ASIC2: variants seen among roughly 807,000 people sequenced by gnomAD.
ASIC2 encodes acid sensing ion channel subunit 2.
A neutral mutation model predicts 57.3 loss-of-function variants in ASIC2; 25 were observed. That is an observed-to-expected ratio of 0.44 (90% CI 0.32 to 0.61). The LOEUF (loss-of-function observed/expected upper bound fraction) is 0.61, where lower values mean the gene tolerates loss of function less well. Ranked by LOEUF, ASIC2 falls within the 20% of genes least tolerant of loss-of-function variation. The pLI is 0.06. For synonymous variants in ASIC2, 319 were observed against 307.5 expected (o/e 1.04, Z -0.39); for missense variants, 641 against 738.1 (o/e 0.87, Z 1.52).
At chr17:33,704,914 G>C (rs887279774) in intron 1 of ASIC2, among the ~76,000 whole-genome samples, 2 of 152,182 alleles carry the variant, frequency 1.3e-5, no homozygotes, top group African/African-American at 4.8e-5. Flanking sequence ...CCTATATTGG[G>C]TTTAAAAGCA....
intron 1 of ASIC2, among the ~76,000 whole-genome samples, chr17:33,951,588 TTTTC>T: frequency 6.6e-6 from 1 of 151,852 alleles, no homozygotes; most frequent in African/African-American, 2.4e-5. Context: ...TCTTTTCTTT[TTTTC>T]TTTTTTTTTC....
intron 1 of ASIC2, among the ~76,000 whole-genome samples, chr17:33,339,130 C>T (rs1237554147): frequency 6.6e-6 from 1 of 152,098 alleles, no homozygotes; most frequent in South Asian, 2.1e-4. Flanking sequence ...AAAATAAAGC[C>T]TTTGCAGGGG....
intron 1 of ASIC2, among the ~76,000 whole-genome samples, chr17:33,376,890 T>G (rs1380001085): frequency 6.6e-6 from 1 of 152,188 alleles, no homozygotes; most frequent in African/African-American, 2.4e-5. Flanking sequence ...ATACAAATTA[T>G]TTTTCAATTC....
intron 1 of ASIC2, among the ~76,000 whole-genome samples, chr17:33,417,117 C>T (rs1275970295): frequency 6.6e-6 from 1 of 152,150 alleles, no homozygotes; most frequent in Non-Finnish European, 1.5e-5. Flanking sequence ...CTAGCTGCTG[C>T]AGACAGGCCT....
At chr17:33,564,647 T>TA (rs1466632042) in intron 1 of ASIC2, among the ~76,000 whole-genome samples, 1 of 152,248 alleles carries the variant, frequency 6.6e-6, no homozygotes, top group African/African-American at 2.4e-5. Flanking sequence ...AAGCCACCCC[T>TA]AGCCTGTTGG....
intron 1 of ASIC2, among the ~76,000 whole-genome samples, chr17:34,148,421 G>A (rs1341019082): frequency 6.6e-6 from 1 of 152,158 alleles, no homozygotes; most frequent in Non-Finnish European, 1.5e-5. Flanking sequence ...TGGAAAACTT[G>A]CTTAGCTTGA....
chr17:33,361,456 G>A (rs571977344), intron 1 of ASIC2, among the ~76,000 whole-genome samples: 35 of 152,298 alleles, frequency 2.3e-4, no homozygotes, highest in African/African-American at 7.9e-4. Flanking sequence ...GCAACCTCTG[G>A]TTAGCTCCAT....
chr17:33,386,789 C>G (rs550805966), intron 1 of ASIC2, among the ~76,000 whole-genome samples: 3 of 152,042 alleles, frequency 2.0e-5, no homozygotes, highest in African/African-American at 7.2e-5. Context: ...TCATTTACTG[C>G]ATGACTCGCA....
intron 1 of ASIC2, chr17:34,039,295 T>G: frequency 1.2e-6 from 2 of 1,613,972 alleles, no homozygotes; most frequent in South Asian, 2.2e-5. Flanking sequence ...GCTGCAGGAA[T>G]GCTCTGTGTT....
At chr17:34,077,803 C>T (rs1325176590) in intron 1 of ASIC2, among the ~76,000 whole-genome samples, 3 of 152,120 alleles carry the variant, frequency 2.0e-5, no homozygotes, top group Non-Finnish European at 4.4e-5. Flanking sequence ...GAGAGTGCGT[C>T]CCAGCCTCTC....
intron 1 of ASIC2, among the ~76,000 whole-genome samples, chr17:33,883,017 T>C (rs317356): frequency 0.89 from 135,657 of 152,082 alleles, 60,725 homozygotes; most frequent in African/African-American, 0.97. Context: ...GGACAAAAAA[T>C]GAAACACCAC....
intron 1 of ASIC2, among the ~76,000 whole-genome samples, chr17:33,760,888 G>T (rs943750170): frequency 2.0e-5 from 3 of 152,178 alleles, no homozygotes; most frequent in African/African-American, 7.2e-5. Context: ...CAAACCTGCA[G>T]TACCTGATTT....
At chr17:33,055,508 C>G (rs1047450376) in intron 3 of ASIC2, among the ~76,000 whole-genome samples, 1 of 152,136 alleles carries the variant, frequency 6.6e-6, no homozygotes, top group Admixed American at 6.5e-5. Context: ...TGCCTCTTCC[C>G]GAAAGCTTTT....
At chr17:33,579,102 T>C (rs538940941) in intron 1 of ASIC2, among the ~76,000 whole-genome samples, 158 of 148,256 alleles carry the variant, frequency 1.1e-3, no homozygotes, top group African/African-American at 4.0e-3. Flanking sequence ...CTGGCCAACA[T>C]GGTGAAACCC....
intron 1 of ASIC2, among the ~76,000 whole-genome samples, chr17:34,144,237 G>A (rs909473990): frequency 6.6e-6 from 1 of 152,228 alleles, no homozygotes. Flanking sequence ...CTGGGATACA[G>A]TATGTGCTCA....
At chr17:34,151,119 A>AAT (rs67274278) in intron 1 of ASIC2, among the ~76,000 whole-genome samples, 12 of 113,254 alleles carry the variant, frequency 1.1e-4, no homozygotes, top group African/African-American at 1.9e-4. Flanking sequence ...AAAAAAAAAA[A>AAT]AAAAAATAAA....
chr17:33,385,691 G>T (rs1909649094), intron 1 of ASIC2, among the ~76,000 whole-genome samples: 1 of 152,226 alleles, frequency 6.6e-6, no homozygotes, highest in African/African-American at 2.4e-5. Flanking sequence ...ACTCTGCAGA[G>T]TTTTGGCAGG....
chr17:33,231,821 T>C (rs1908102379), intron 1 of ASIC2, among the ~76,000 whole-genome samples: 1 of 152,184 alleles, frequency 6.6e-6, no homozygotes, highest in African/African-American at 2.4e-5. Flanking sequence ...TTTGCTGGCA[T>C]CACTCTGCCA....
At chr17:33,578,425 C>G (rs1364772399) in intron 1 of ASIC2, among the ~76,000 whole-genome samples, 4 of 152,170 alleles carry the variant, frequency 2.6e-5, no homozygotes, top group Admixed American at 6.5e-5. Context: ...CTACCTTACT[C>G]ATTTACAGTA....
Sources: allele counts gnomAD v4.1 joint callset (sites outside exome capture counted in the v4.1 genomes callset), GRCh38; gene constraint gnomAD v4.1.1; transcripts MANE v1.5; gene names NCBI Gene and HGNC (gene_info 2026-07-23, HGNC 2026-07-21).